BCKDHA: variants seen among roughly 807,000 people sequenced by gnomAD.
BCKDHA encodes the protein branched chain keto acid dehydrogenase E1 subunit alpha.
A neutral mutation model predicts 52.2 loss-of-function variants in BCKDHA; 43 were observed. The observed-to-expected ratio is 0.82, with a 90% confidence interval of 0.64 to 1.06. The LOEUF is 1.06. BCKDHA is among the 50% of genes least tolerant of loss of function. BCKDHA has a pLI of 0.00. For synonymous variants in BCKDHA, 234 were observed against 247.9 expected (o/e 0.94, Z 0.53); for missense variants, 527 against 621.3 (o/e 0.85, Z 1.61).
intron 8 of BCKDHA, among the ~76,000 whole-genome samples, chr19:41,423,436 T>G (rs1318430415): frequency 1.3e-5 from 2 of 152,226 alleles, no homozygotes; most frequent in African/African-American, 2.4e-5. Flanking sequence ...GGCTCACACC[T>G]GTAATCCCAG....
Sources: gnomAD v4.1 joint callset for allele counts (sites outside exome capture counted in the v4.1 genomes callset) on GRCh38, gnomAD v4.1.1 for gene constraint, MANE v1.5 for transcripts, NCBI Gene and HGNC (gene_info 2026-07-23, HGNC 2026-07-21) for gene names.